Variants in WDR7 observed in about 807,000 individuals in gnomAD.
WDR7 encodes the protein WD repeat domain 7.
In WDR7, 46 loss-of-function variants were observed where a neutral mutation model predicts 169.4. The ratio of observed to expected loss-of-function variants is 0.27; its 90% CI spans 0.21 to 0.35. The LOEUF is 0.35. Among genes scored for constraint, WDR7 ranks in the 10% least tolerant of loss-of-function variants. The probability of loss-of-function intolerance (pLI) is 1.00; values close to 1 mark genes in which losing one functional copy is unlikely to be tolerated. For missense variants in WDR7, 1,534 were observed against 1,859.3 expected (o/e 0.83, Z 3.22); for synonymous variants, 612 against 666.8 (o/e 0.92, Z 1.27).
intron 26 of WDR7, among the ~76,000 whole-genome samples, chr18:57,007,392 T>A (rs983182087): frequency 1.3e-5 from 2 of 152,206 alleles, no homozygotes; most frequent in Admixed American, 6.5e-5. Context: ...AAACATAATT[T>A]GTGGATAACT....
intron 26 of WDR7, among the ~76,000 whole-genome samples, chr18:56,999,547 A>G (rs142531999): frequency 2.6e-5 from 4 of 152,240 alleles, no homozygotes; most frequent in East Asian, 1.9e-4. Flanking sequence ...GTCAGCCCCT[A>G]TATTAGTCTG....
At chr18:56,996,742 T>A (rs2047904716) in intron 26 of WDR7, among the ~76,000 whole-genome samples, 1 of 152,192 alleles carries the variant, frequency 6.6e-6, no homozygotes, top group Non-Finnish European at 1.5e-5. Flanking sequence ...TTCCTTCAGC[T>A]TTCAATCAGT....
chr18:57,032,801 TTATATATATATATATATA>T (rs56876611), downstream of WDR7: 5,702 of 106,184 alleles, frequency 0.054, 251 homozygotes, highest in African/African-American at 0.091. Context: ...TATAATTATT[TTATATATATATATATATA>T]TATATATATA....
chr18:57,013,191 A>G (rs2145920677), intron 26 of WDR7, among the ~76,000 whole-genome samples: 1 of 152,280 alleles, frequency 6.6e-6, no homozygotes, highest in South Asian at 2.1e-4. Flanking sequence ...TCGCATGCAC[A>G]GTTCACAATA....
At chr18:56,946,867 G>T (rs1348238039) in intron 25 of WDR7, among the ~76,000 whole-genome samples, 3 of 152,126 alleles carry the variant, frequency 2.0e-5, no homozygotes, top group Non-Finnish European at 4.4e-5. Context: ...TCCTGGAGTT[G>T]TTTACGTAGC....
At chr18:56,901,686 T>C (rs1304987719) in intron 21 of WDR7, among the ~76,000 whole-genome samples, 1 of 152,198 alleles carries the variant, frequency 6.6e-6, no homozygotes, top group Non-Finnish European at 1.5e-5. Context: ...TTTTAATTGC[T>C]ATGGATTTCT....
Position 56,756,685 on chromosome 18 carries a change from T to G in WDR7, c.2092T>G (p.Leu698Val). 6.2e-7 allele frequency: 1 copy of G among 1,614,146 alleles called. No homozygotes were observed. Residue 698 changes from leucine to valine, a missense_variant, in exon 15 of 28, where the codon TTG becomes GTG. By Grantham distance (32) the Leu-to-Val change is conservative. Transcript: ENST00000254442. ...TGTGCTATTCTTTGATGTGGAAGCG[T>G]TGATTATTCAACTCCTGACTGAAGA... ...IHVLFFDVEALIIQLLTEEAS... is the reference protein window; with the variant it reads ...IHVLFFDVEAVIIQLLTEEAS...
Position 56,694,729 on chromosome 18 carries a change from A to G in WDR7, c.1077A>G (p.Ser359=), listed in dbSNP as rs942472165. Residue 359 remains serine, a synonymous_variant, in exon 10 of 28, where the codon TCA becomes TCG. Coordinates refer to ENST00000254442, the MANE Select transcript of WDR7 (RefSeq NM_015285.3). ...SSGRLNIWNI[S]DTADKQGSEE... ...GAAGGTTGAATATTTGGAACATATCAGACACAGCTGATAAACAGGGAAGTG... is the reference window on the plus strand; with the variant it reads ...GAAGGTTGAATATTTGGAACATATCGGACACAGCTGATAAACAGGGAAGTG... The G allele has an allele frequency of 6.2e-6, 10 of 1,612,576 alleles. No homozygotes were observed. The highest frequency in any genetic ancestry group is 1.7e-4 in the Middle Eastern group (1 of 6,042).
Position 56,679,305 on chromosome 18 carries a change from T to C in WDR7, c.160-27T>C, listed in dbSNP as rs774163568. On this transcript the variant is annotated intron_variant, in intron 2 of 27. Transcript: ENST00000254442. ...AAGGTTAATTTTTAAGTTTGGTACT[T>C]AAACTAGCATATTTTTGCATTTCTA... The C allele has an allele frequency of 1.4e-5, 22 of 1,582,278 alleles. No homozygotes were observed. In the East Asian group the frequency reaches 5.0e-4, roughly 36 times the overall value.
chr18:57,003,195 G>A (rs1169312954), intron 26 of WDR7, among the ~76,000 whole-genome samples: 1 of 150,306 alleles, frequency 6.7e-6, no homozygotes, highest in African/African-American at 2.4e-5. Flanking sequence ...ATGAACTTCA[G>A]TAATTACCCC....
intron 26 of WDR7, among the ~76,000 whole-genome samples, chr18:57,014,132 C>G (rs1173820271): frequency 6.6e-6 from 1 of 152,008 alleles, no homozygotes; most frequent in Non-Finnish European, 1.5e-5. Context: ...TCAAGACCAG[C>G]CTGGCCAACT....
chr18:56,675,443 T>G (rs763716172), intron 2 of WDR7, among the ~76,000 whole-genome samples: 1 of 152,168 alleles, frequency 6.6e-6, no homozygotes, highest in Non-Finnish European at 1.5e-5. Flanking sequence ...GTTAAATTTA[T>G]TTCAAAGAAT....
intron 21 of WDR7, among the ~76,000 whole-genome samples, chr18:56,907,741 C>T (rs78346601): frequency 0.015 from 2,311 of 152,228 alleles, 26 homozygotes; most frequent in Non-Finnish European, 0.023. Context: ...GCCTGTTCCT[C>T]ATGGATGGTG....
At position 56,686,915 on chromosome 18, in the gene WDR7, A is replaced by G. The variant is rs1284131735; in HGVS notation, c.658A>G (p.Ile220Val). The G allele has an allele frequency of 1.2e-6, 2 of 1,611,498 alleles. No homozygotes were observed. Among genetic ancestry groups the G allele is most frequent in the Admixed American group, 1.7e-5 (1 of 59,962 alleles). The change falls in exon 7 of 28, where the codon ATC becomes GTC. Residue 220 changes from isoleucine to valine, a missense_variant. Transcript: ENST00000254442. ...KPIYCQNCQS[I>V]SFCAFTQRSL... ...AATTTATTGTCAGAATTGCCAAAGC[A>G]TCTCTTTTTGTGCATTTACACAAAG...
At chr18:56,885,839 A>C (rs2046184095) in intron 21 of WDR7, among the ~76,000 whole-genome samples, 1 of 151,856 alleles carries the variant, frequency 6.6e-6, no homozygotes, top group African/African-American at 2.4e-5. Flanking sequence ...AAAAAAAAAA[A>C]AACAAAAAAC....
intron 26 of WDR7, among the ~76,000 whole-genome samples, chr18:57,013,068 A>G (rs545970467): frequency 6.6e-6 from 1 of 152,326 alleles, no homozygotes; most frequent in African/African-American, 2.4e-5. Context: ...GTTTCATGGA[A>G]GACAAGTTTT....
intron 13 of WDR7, among the ~76,000 whole-genome samples, chr18:56,720,435 A>C (rs1337313542): frequency 6.6e-6 from 1 of 152,120 alleles, no homozygotes; most frequent in African/African-American, 2.4e-5. Context: ...GGAGACAGAG[A>C]GAGACTCTGT....
intron 26 of WDR7, among the ~76,000 whole-genome samples, chr18:56,987,351 C>T (rs1422518858): frequency 1.4e-5 from 2 of 147,778 alleles, no homozygotes; most frequent in Non-Finnish European, 3.0e-5. Context: ...CACAACCTTT[C>T]GACCACAATT....
intron 19 of WDR7, 34 bp downstream of exon 19, chr18:56,781,690 C>T: frequency 6.6e-7 from 1 of 1,520,926 alleles, no homozygotes; most frequent in Non-Finnish European, 8.9e-7. Flanking sequence ...CAAAGCTTTG[C>T]AGGAATATGT....
Sources: allele counts gnomAD v4.1 joint callset (sites outside exome capture counted in the v4.1 genomes callset), GRCh38; gene constraint gnomAD v4.1.1; transcripts MANE v1.5; gene names NCBI Gene and HGNC (gene_info 2026-07-23, HGNC 2026-07-21).